The following TXNRD1 variants were observed in gnomAD, a reference collection of about 807,000 sequenced individuals.
The protein encoded by TXNRD1 is thioredoxin reductase 1, cytoplasmic.
In TXNRD1, 57 loss-of-function variants were observed where a neutral mutation model predicts 80.3. That is an observed-to-expected ratio of 0.71 (90% CI 0.57 to 0.89). The LOEUF (loss-of-function observed/expected upper bound fraction) is 0.89, where lower values mean the gene tolerates loss of function less well. Among genes scored for constraint, TXNRD1 ranks in the 40% least tolerant of loss-of-function variants. The probability of loss-of-function intolerance (pLI) is 0.00; values close to 1 mark genes in which losing one functional copy is unlikely to be tolerated. For synonymous variants in TXNRD1, 291 were observed against 285.2 expected (o/e 1.02, Z -0.20); for missense variants, 730 against 803.0 (o/e 0.91, Z 1.10).
chr12:104,326,144 T>A (rs1049746104), intron 11 of TXNRD1, among the ~76,000 whole-genome samples: 8 of 152,224 alleles, frequency 5.3e-5, no homozygotes, highest in Non-Finnish European at 1.2e-4. Context: ...GAAAATAATT[T>A]CTACTATATC....
intron 4 of TXNRD1, among the ~76,000 whole-genome samples, chr12:104,298,649 G>A (rs189921613): frequency 1.9e-3 from 290 of 152,130 alleles, no homozygotes; most frequent in Admixed American, 4.3e-3. Flanking sequence ...ACTTGAACCC[G>A]GGAGGCGGAG....
In TXNRD1 at chr12:104,339,576, G is replaced by C. The variant is rs528440886; in HGVS notation, c.1881+303G>C. 2.8e-5 allele frequency: 12 copies of C among 435,266 alleles called. 1 individual carries two copies. The highest frequency in any genetic ancestry group is 1.8e-4 in the African/African-American group (9 of 49,564). 27.0% of individuals were successfully genotyped at this position (435,266 alleles called of 1,614,324 possible). On this transcript the variant is annotated intron_variant, in intron 16 of 16. Coordinates refer to ENST00000525566, the MANE Select transcript of TXNRD1 (RefSeq NM_001093771.3). ...ATGGCAATCAGTTAATAATGGAAGA[G>C]CTTCAATCTTAGTTATTCCACAGCT...
intron 2 of TXNRD1, among the ~76,000 whole-genome samples, chr12:104,257,229 A>C (rs2135710187): frequency 6.6e-6 from 1 of 151,734 alleles, no homozygotes; most frequent in African/African-American, 2.4e-5. Flanking sequence ...CATGAGCATA[A>C]GATTTTTTGT....
intron 3 of TXNRD1, among the ~76,000 whole-genome samples, chr12:104,285,358 A>G (rs1346185421): frequency 1.3e-5 from 2 of 152,208 alleles, no homozygotes; most frequent in Non-Finnish European, 2.9e-5. Flanking sequence ...GAAAGAAAAG[A>G]AGATGGTTTT....
chr12:104,314,969 C>A lies in TXNRD1; in HGVS notation c.611-808C>A, dbSNP rs527666998. The stretch of plus-strand genomic sequence containing the variant: ...TTTTGGCCAGGCTGGTCTCGAACTC[C>A]TGACCTCAAATGATCCACCCGCCTC... On this transcript the variant is annotated intron_variant, in intron 6 of 16. Coordinates refer to ENST00000525566, the MANE Select transcript of TXNRD1 (RefSeq NM_001093771.3). 4.6e-5 allele frequency among the ~76,000 whole-genome samples: 7 copies of A among 152,198 alleles called. No individual in the cohort carries two copies. In the South Asian group the frequency reaches 1.2e-3, roughly 27 times the overall value.
intron 3 of TXNRD1, among the ~76,000 whole-genome samples, chr12:104,267,683 TTC>T (rs1231666364): frequency 4.9e-5 from 2 of 40,884 alleles, no homozygotes; most frequent in Admixed American, 2.6e-4. Context: ...CTTTCTTTCT[TTC>T]TTTCTTTCTT....
intron 15 of TXNRD1, 144 bp downstream of exon 15, chr12:104,334,476 G>C (rs942547001): frequency 3.0e-6 from 1 of 332,594 alleles, no homozygotes; most frequent in Non-Finnish European, 5.3e-6. Flanking sequence ...TCCGCCTCCC[G>C]GGTTCAAGTG....
At chr12:104,237,975 C>T (rs188561420) in intron 1 of TXNRD1, among the ~76,000 whole-genome samples, 35 of 151,472 alleles carry the variant, frequency 2.3e-4, no homozygotes, top group African/African-American at 5.6e-4. Context: ...CACGCCACTG[C>T]GCTCCAGCCT....
intron 1 of TXNRD1, among the ~76,000 whole-genome samples, chr12:104,238,996 G>A (rs1035678781): frequency 1.3e-5 from 2 of 151,840 alleles, no homozygotes; most frequent in South Asian, 4.2e-4. Flanking sequence ...ACAGATGCCC[G>A]CCACCACACC....
chr12:104,258,011 T>G lies in TXNRD1; in HGVS notation c.244-8T>G, dbSNP rs754995118. ...TCATTTTCCTCCTTGTTTTTCAACT[T>G]CTTCCAGGTAAAGAAGTTATTTAAA... is the stretch of plus-strand genomic sequence containing the variant. On this transcript the variant is annotated splice_polypyrimidine_tract_variant and splice_region_variant and intron_variant, in intron 2 of 16. Coordinates refer to ENST00000525566, the MANE Select transcript of TXNRD1 (RefSeq NM_001093771.3). 2 of 1,543,456 alleles carry G rather than the reference T, an allele frequency of 1.3e-6. No individual in the cohort carries two copies. The highest frequency in any genetic ancestry group is 1.2e-5 in the South Asian group (1 of 81,718).
intron 4 of TXNRD1, among the ~76,000 whole-genome samples, chr12:104,308,096 C>T (rs1027317922): frequency 2.6e-5 from 4 of 151,748 alleles, no homozygotes; most frequent in East Asian, 1.9e-4. Flanking sequence ...CCCGGGTTCA[C>T]GCCATTCTCC....
intron 1 of TXNRD1, among the ~76,000 whole-genome samples, chr12:104,236,145 ATCATCTTTGTT>A (rs1289234099): frequency 1.3e-5 from 2 of 152,164 alleles, no homozygotes; most frequent in Non-Finnish European, 2.9e-5. Flanking sequence ...AAATACTGTT[ATCATCTTTGTT>A]TTAGACTATA....
chr12:104,248,571 A>C (rs1029726386), intron 1 of TXNRD1, among the ~76,000 whole-genome samples: 1 of 152,192 alleles, frequency 6.6e-6, no homozygotes, highest in Non-Finnish European at 1.5e-5. Context: ...GGCGGGTGTG[A>C]GCCACGCGCC....
At chr12:104,326,809 G>A (rs2035782506) in intron 12 of TXNRD1, among the ~76,000 whole-genome samples, 1 of 150,798 alleles carries the variant, frequency 6.6e-6, no homozygotes, top group South Asian at 2.1e-4. Flanking sequence ...TACAGCATTG[G>A]TCAATTATAG....
intron 1 of TXNRD1, among the ~76,000 whole-genome samples, chr12:104,219,403 C>A (rs1440636284): frequency 1.3e-5 from 2 of 152,198 alleles, no homozygotes; most frequent in Non-Finnish European, 2.9e-5. Flanking sequence ...GCTTGAATGA[C>A]TCTTCAACCG....
At chr12:104,287,135 G>C in intron 3 of TXNRD1, 2 of 1,521,220 alleles carry the variant, frequency 1.3e-6, no homozygotes, top group Non-Finnish European at 1.8e-6. Flanking sequence ...GGTGAAACCA[G>C]ACAAAGCCGC....
chr12:104,313,403 A>T lies in TXNRD1; in HGVS notation c.610+86A>T, dbSNP rs35813881. 257 of 1,012,898 alleles carry T rather than the reference A, an allele frequency of 2.5e-4. 1 individual carries two copies. In the East Asian group the frequency reaches 7.0e-3, roughly 28 times the overall value. 62.7% of individuals were successfully genotyped at this position (1,012,898 alleles called of 1,614,324 possible). On this transcript the variant is annotated intron_variant, in intron 6 of 16. Transcript: ENST00000525566. ...CTAACTGGTTCCTAAAGCCTAATTA[A>T]AAAAATCAAAAACTAAGTTAAAGAA...
chr12:104,342,007 G>A (rs1159051886), intron 16 of TXNRD1, among the ~76,000 whole-genome samples: 2 of 152,122 alleles, frequency 1.3e-5, no homozygotes, highest in Admixed American at 6.5e-5. Flanking sequence ...TGGGGAGGCG[G>A]GGGACAACAG....
intron 13 of TXNRD1, among the ~76,000 whole-genome samples, chr12:104,328,164 A>C (rs1033018338): frequency 6.8e-6 from 1 of 146,994 alleles, no homozygotes; most frequent in Non-Finnish European, 1.5e-5. Context: ...GACTCCATCT[A>C]AAAAAAAAAA....
Sources: allele counts gnomAD v4.1 joint callset (sites outside exome capture counted in the v4.1 genomes callset), GRCh38; gene constraint gnomAD v4.1.1; transcripts MANE v1.5; gene names NCBI Gene and HGNC (gene_info 2026-07-23, HGNC 2026-07-21).